Variants in IGFBP5 observed in about 807,000 individuals in gnomAD.
IGFBP5 encodes insulin-like growth factor-binding protein 5.
Under a neutral mutation model 28.0 loss-of-function variants are expected in IGFBP5, and 12 were observed. The ratio of observed to expected loss-of-function variants is 0.43; its 90% confidence interval spans 0.27 to 0.69. The LOEUF is 0.69. Among genes scored for constraint, IGFBP5 ranks in the 30% least tolerant of loss-of-function variants. The pLI, the probability that IGFBP5 is intolerant of heterozygous loss-of-function variation, is 0.20. For missense variants in IGFBP5, 344 were observed against 381.6 expected (o/e 0.90, Z 0.82); for synonymous variants, 152 against 150.2 (o/e 1.01, Z -0.09).
rs1688902909 is a variant in IGFBP5 at position 216,676,680 on chromosome 2, T to G, written c.*71A>C. ...AGATGAAATGAGTGGCGTCCTGGGG[T>G]GGAGGGAGGCGCTGGCTGGAGTCGG... On this transcript the variant is annotated 3_prime_UTR_variant, in exon 4 of 4. Coordinates refer to ENST00000233813, the MANE Select transcript of IGFBP5 (RefSeq NM_000599.4). The G allele has an allele frequency of 9.7e-6, 8 of 824,186 alleles. No individual in the cohort carries two copies. Among genetic ancestry groups the G allele is most frequent in the African/African-American group, 6.2e-5 (2 of 32,456 alleles). The allele number at this position is 824,186 out of a possible 1,614,324, so 51.1% of individuals were successfully genotyped here. A position where few individuals can be genotyped will look rare whatever the true frequency, so the allele number is the denominator to read the frequency against.
intron 1 of IGFBP5, among the ~76,000 whole-genome samples, chr2:216,690,170 G>A (rs921119872): frequency 6.6e-6 from 1 of 152,142 alleles, no homozygotes; most frequent in African/African-American, 2.4e-5. Flanking sequence ...TGAATAACAT[G>A]TCCTGATTGC....
intron 1 of IGFBP5, among the ~76,000 whole-genome samples, chr2:216,687,946 C>T (rs180686132): frequency 8.4e-4 from 128 of 152,268 alleles, no homozygotes; most frequent in African/African-American, 2.6e-3. Context: ...TGTCTGTCAA[C>T]GAAAGCTGAG....
At chr2:216,693,457 T>G in intron 1 of IGFBP5, among the ~76,000 whole-genome samples, 1 of 31,098 alleles carries the variant, frequency 3.2e-5, no homozygotes, top group African/African-American at 1.3e-4. Context: ...GTGGGGGGAT[T>G]GCGGAGGGAG....
At position 216,676,501 on chromosome 2, in the gene IGFBP5, A is replaced by G. The variant is rs1159332718; in HGVS notation, c.*250T>C. On this transcript the variant is annotated 3_prime_UTR_variant, in exon 4 of 4. Transcript: ENST00000233813. ...CCTCTCTTCCCTTCTCTGTTCATCC[A>G]ACTTGCCTCAAAAAGAAAACCATTT... 2 of 294,918 alleles carry G rather than the reference A, an allele frequency of 6.8e-6. No individual in the cohort carries two copies. Among genetic ancestry groups the G allele is most frequent in the Non-Finnish European group, 6.4e-6 (1 of 155,816 alleles). The allele number at this position is 294,918 out of a possible 1,614,324, so 18.3% of individuals were successfully genotyped here. A position where few individuals can be genotyped will look rare whatever the true frequency, so the allele number is the denominator to read the frequency against.
intron 1 of IGFBP5, among the ~76,000 whole-genome samples, chr2:216,688,957 C>T (rs909774306): frequency 2.6e-5 from 4 of 152,196 alleles, no homozygotes; most frequent in African/African-American, 9.7e-5. Context: ...CACATCTCTC[C>T]TCTCCTGCTG....
Position 216,678,250 on chromosome 2 carries a change from G to A in IGFBP5, c.568-19C>T, listed in dbSNP as rs1029936167. 1 of 1,520,488 alleles carries A rather than the reference G, an allele frequency of 6.6e-7. No individual in the cohort carries two copies. The highest frequency in any genetic ancestry group is 1.4e-5 in the African/African-American group (1 of 72,160). 94.2% of individuals were successfully genotyped at this position (1,520,488 alleles called of 1,614,324 possible). On this transcript the variant is annotated intron_variant, in intron 2 of 3. Coordinates refer to ENST00000233813, the MANE Select transcript of IGFBP5 (RefSeq NM_000599.4). ...AGGGGCCCTGTGTGGACAGGAGGGT[G>A]AGAGGCGTGGCGAGACCAAGGGAAA... is the stretch of plus-strand genomic sequence containing the variant.
Position 216,672,253 on chromosome 2 carries a change from C to T in IGFBP5, c.*4498G>A, listed in dbSNP as rs1688837337. On this transcript the variant is annotated 3_prime_UTR_variant, in exon 4 of 4. Coordinates refer to ENST00000233813, the MANE Select transcript of IGFBP5 (RefSeq NM_000599.4). The stretch of plus-strand genomic sequence containing the variant: ...GAGATCCTTTGTTGGTTTTTTATTT[C>T]CTTAAGTACAAAATGCTAAACGGGA... 1 of 149,348 alleles carries T rather than the reference C, an allele frequency of 6.7e-6. No individual in the cohort carries two copies. Among genetic ancestry groups the T allele is most frequent in the Admixed American group, 6.7e-5 (1 of 14,986 alleles). 9.3% of individuals were successfully genotyped at this position (149,348 alleles called of 1,614,324 possible).
At chr2:216,687,329 G>A (rs1689043733) in intron 1 of IGFBP5, among the ~76,000 whole-genome samples, 1 of 152,142 alleles carries the variant, frequency 6.6e-6, no homozygotes, top group South Asian at 2.1e-4. Context: ...CTCCTTCCCT[G>A]AAGATATATA....
chr2:216,681,747 C>T (rs1169778140), intron 1 of IGFBP5, among the ~76,000 whole-genome samples: 2 of 152,190 alleles, frequency 1.3e-5, no homozygotes, highest in African/African-American at 2.4e-5. Flanking sequence ...CTTATTCTCT[C>T]TTTGGCCTTG....
chr2:216,678,005 C>A, intron 3 of IGFBP5, 107 bp downstream of exon 3: 2 of 1,096,912 alleles, frequency 1.8e-6, no homozygotes, highest in Non-Finnish European at 2.5e-6. Flanking sequence ...CCAGGAAACA[C>A]TAAGTGGTTA....
chr2:216,693,724 C>A (rs1689130560), intron 1 of IGFBP5, among the ~76,000 whole-genome samples: 1 of 152,098 alleles, frequency 6.6e-6, no homozygotes, highest in South Asian at 2.1e-4. Flanking sequence ...ATTTTTTTCC[C>A]TTCCTGGGAT....
intron 1 of IGFBP5, among the ~76,000 whole-genome samples, chr2:216,685,526 T>C (rs1689024232): frequency 6.6e-6 from 1 of 152,164 alleles, no homozygotes; most frequent in Admixed American, 6.5e-5. Flanking sequence ...TAGAATGTTC[T>C]GCAGTCCCCC....
At chr2:216,690,003 C>A (rs1689075821) in intron 1 of IGFBP5, among the ~76,000 whole-genome samples, 1 of 148,966 alleles carries the variant, frequency 6.7e-6, no homozygotes, top group African/African-American at 2.5e-5. Context: ...GAAATGACAT[C>A]ATAACAGAAT....
intron 1 of IGFBP5, among the ~76,000 whole-genome samples, chr2:216,680,506 G>A (rs914607740): frequency 6.6e-6 from 1 of 152,210 alleles, no homozygotes; most frequent in African/African-American, 2.4e-5. Context: ...AGTTCCAGGT[G>A]TGAGTTAGGA....
At chr2:216,689,116 C>G (rs935205125) in intron 1 of IGFBP5, among the ~76,000 whole-genome samples, 1 of 152,206 alleles carries the variant, frequency 6.6e-6, no homozygotes, top group African/African-American at 2.4e-5. Context: ...ACCACACCCT[C>G]TCTCGATCTC....
rs1688856323 is a variant in IGFBP5, at chr2:216,673,234, G to C, written c.*3517C>G. 1 of 152,544 alleles carries C rather than the reference G, an allele frequency of 6.6e-6. No homozygotes were observed. Among genetic ancestry groups the C allele is most frequent in the Non-Finnish European group, 1.5e-5 (1 of 68,210 alleles). 9.4% of individuals were successfully genotyped at this position (152,544 alleles called of 1,614,324 possible). On this transcript the variant is annotated 3_prime_UTR_variant, in exon 4 of 4. Coordinates refer to ENST00000233813, the MANE Select transcript of IGFBP5 (RefSeq NM_000599.4). This position sits in a 1 kb window ranked among gnomAD's most constrained non-coding sequence, Gnocchi z 4.3. ...CCACCCTCTAGGGGAGGCCAGCCCTGTGGGGGTACCATGGAGGCCACAGAG... is the reference window on the plus strand; with the variant it reads ...CCACCCTCTAGGGGAGGCCAGCCCTCTGGGGGTACCATGGAGGCCACAGAG...
intron 1 of IGFBP5, among the ~76,000 whole-genome samples, chr2:216,680,774 G>A (rs550764540): frequency 1.3e-5 from 2 of 152,286 alleles, no homozygotes; most frequent in African/African-American, 4.8e-5. Flanking sequence ...ATGACTTGGG[G>A]AAAGCAAATA....
rs1688875506 is a variant in IGFBP5, at chr2:216,674,777, C to T, written c.*1974G>A. On this transcript the variant is annotated 3_prime_UTR_variant, in exon 4 of 4. Coordinates refer to ENST00000233813, the MANE Select transcript of IGFBP5 (RefSeq NM_000599.4). The surrounding 1 kb of genome is among the most constrained non-coding windows in gnomAD (Gnocchi z 4.4). ...CTGCTTGTCCCAGCTTTCCTTCCAT[C>T]CTCCACCCCAGGGAGGATGCAGGGA... The T allele has an allele frequency of 6.6e-6, 1 of 152,166 alleles. No individual in the cohort carries two copies. Among genetic ancestry groups the T allele is most frequent in the Non-Finnish European group, 1.5e-5 (1 of 68,042 alleles). 9.4% of individuals were successfully genotyped at this position (152,166 alleles called of 1,614,324 possible).
intron 3 of IGFBP5, among the ~76,000 whole-genome samples, chr2:216,677,240 A>T (rs1262108508): frequency 2.0e-5 from 3 of 151,890 alleles, no homozygotes; most frequent in African/African-American, 7.3e-5. Flanking sequence ...TGCCTGGCTT[A>T]TAGTCCCGTT....
Sources: allele counts gnomAD v4.1 joint callset (sites outside exome capture counted in the v4.1 genomes callset), GRCh38; gene constraint gnomAD v4.1.1; non-coding constraint Gnocchi (gnomAD v3.1); transcripts MANE v1.5; gene names NCBI Gene and HGNC (gene_info 2026-07-23, HGNC 2026-07-21).